The following ASIC2 variants were observed in gnomAD, a reference collection of about 807,000 sequenced individuals.
ASIC2 encodes acid-sensing ion channel 2.
A neutral mutation model predicts 57.3 loss-of-function variants in ASIC2; 25 were observed. That is an observed-to-expected ratio of 0.44 (90% CI 0.32 to 0.61). The LOEUF is 0.61. Among genes scored for constraint, ASIC2 ranks in the 20% least tolerant of loss-of-function variants. The probability of loss-of-function intolerance (pLI) is 0.06; values close to 1 mark genes in which losing one functional copy is unlikely to be tolerated. For missense variants in ASIC2, 641 were observed against 738.1 expected, an observed-to-expected ratio of 0.87 and a Z score of 1.52; for synonymous variants, 319 against 307.5, an observed-to-expected ratio of 1.04 and a Z score of -0.39.
At chr17:33,401,215 C>A (rs1015526343) in intron 1 of ASIC2, among the ~76,000 whole-genome samples, 5 of 152,162 alleles carry the variant, frequency 3.3e-5, no homozygotes, top group African/African-American at 1.2e-4. Flanking sequence ...CTCCATAAGG[C>A]TAAAAAAGCA....
At chr17:33,909,908 G>T (rs1177298628) in intron 1 of ASIC2, among the ~76,000 whole-genome samples, 1 of 152,130 alleles carries the variant, frequency 6.6e-6, no homozygotes, top group African/African-American at 2.4e-5. Flanking sequence ...GGGCCTGGCT[G>T]CTTGGGATTG....
chr17:33,703,321 C>CT (rs1555553181), intron 1 of ASIC2, among the ~76,000 whole-genome samples: 5,090 of 143,508 alleles, frequency 0.035, 251 homozygotes, highest in African/African-American at 0.12. Context: ...GTTTCTTTTT[C>CT]TTTTTTTTTT....
intron 3 of ASIC2, among the ~76,000 whole-genome samples, chr17:33,074,196 A>G (rs2092080403): frequency 6.6e-6 from 1 of 152,152 alleles, no homozygotes; most frequent in African/African-American, 2.4e-5. Context: ...CAATAGATGG[A>G]GGTGCTATGG....
intron 1 of ASIC2, among the ~76,000 whole-genome samples, chr17:33,235,402 G>A (rs1190325385): frequency 1.3e-5 from 2 of 152,240 alleles, no homozygotes; most frequent in Non-Finnish European, 2.9e-5. Context: ...GAGCCAGGAT[G>A]AGTCATGCAT....
chr17:33,402,489 C>T (rs1416576569), intron 1 of ASIC2, among the ~76,000 whole-genome samples: 3 of 152,112 alleles, frequency 2.0e-5, no homozygotes, highest in Non-Finnish European at 2.9e-5. Flanking sequence ...CTCCTTGTGT[C>T]CATGTGTTCT....
intron 1 of ASIC2, among the ~76,000 whole-genome samples, chr17:33,229,168 C>T (rs947873213): frequency 5.3e-5 from 8 of 151,846 alleles, no homozygotes; most frequent in Non-Finnish European, 1.0e-4. Flanking sequence ...AAGAGGTGTA[C>T]CAAGCAAGAG....
intron 1 of ASIC2, among the ~76,000 whole-genome samples, chr17:33,873,028 G>GA (rs984814392): frequency 1.3e-4 from 20 of 152,102 alleles, no homozygotes; most frequent in African/African-American, 3.9e-4. Context: ...AGAACTTCAA[G>GA]AAAAAATCTG....
chr17:33,469,794 G>T (rs1912983559), intron 1 of ASIC2, among the ~76,000 whole-genome samples: 1 of 152,132 alleles, frequency 6.6e-6, no homozygotes, highest in Non-Finnish European at 1.5e-5. Context: ...GAGGAAATAT[G>T]GTCAATTCCC....
At chr17:34,053,172 C>T (rs1339941953) in intron 1 of ASIC2, among the ~76,000 whole-genome samples, 1 of 152,132 alleles carries the variant, frequency 6.6e-6, no homozygotes, top group East Asian at 1.9e-4. Context: ...TGCTTTATGC[C>T]TCCAAATTTT....
chr17:33,126,908 G>A lies in ASIC2; in HGVS notation c.709-14841C>T, dbSNP rs534915592. Among the ~76,000 whole-genome samples, 55 of 134,808 alleles carry A rather than the reference G, an allele frequency of 4.1e-4. 1 individual carries two copies. In the East Asian group the frequency reaches 7.1e-3, roughly 17 times the overall value. The allele number at this position is 134,808 out of a possible 152,430, so 88.4% of individuals were successfully genotyped here. ...CGGAGTCTCGCTCTGTCGCCCAGGC[G>A]GGACTGCGGACTGCAGTGGCGCAAT... On this transcript the variant is annotated intron_variant, in intron 1 of 9. Transcript: ENST00000225823.
At chr17:33,812,279 A>T (rs950490346) in intron 1 of ASIC2, among the ~76,000 whole-genome samples, 3 of 152,152 alleles carry the variant, frequency 2.0e-5, no homozygotes, top group Non-Finnish European at 2.9e-5. Context: ...CAGCTTTTAA[A>T]TTTCATCACA....
At chr17:33,593,211 G>T (rs974508407) in intron 1 of ASIC2, among the ~76,000 whole-genome samples, 1 of 152,214 alleles carries the variant, frequency 6.6e-6, no homozygotes, top group Non-Finnish European at 1.5e-5. Flanking sequence ...GCAATTGTAT[G>T]TGCAGGCACA....
At chr17:33,698,419 G>A (rs1047482630) in intron 1 of ASIC2, among the ~76,000 whole-genome samples, 1 of 152,192 alleles carries the variant, frequency 6.6e-6, no homozygotes, top group Non-Finnish European at 1.5e-5. Flanking sequence ...TGGCACATAG[G>A]AAGTTTTCAA....
chr17:33,275,150 A>G (rs1904653527), intron 1 of ASIC2, among the ~76,000 whole-genome samples: 1 of 152,170 alleles, frequency 6.6e-6, no homozygotes, highest in Non-Finnish European at 1.5e-5. Flanking sequence ...CGTATTAGCA[A>G]GCCTGTCCCT....
chr17:33,898,050 G>A (rs975298372), intron 1 of ASIC2, among the ~76,000 whole-genome samples: 3 of 152,018 alleles, frequency 2.0e-5, no homozygotes, highest in African/African-American at 7.2e-5. Flanking sequence ...AACTATAAAA[G>A]TTGCAATTGG....
In ASIC2 at chr17:33,722,607, G is replaced by GAA. The variant is rs34281265; in HGVS notation, c.555+433369_555+433370dup. On this transcript the variant is annotated intron_variant, in intron 1 of 9. Coordinates refer to the ASIC2 transcript ENST00000359872. Reference sequence around the variant, plus strand: ...GTAAGAGCCTCTCTCTACAAAAAAGGAAAAAAAAAAAAAATTAGCCAGGCC... The same window carrying GAA: ...GTAAGAGCCTCTCTCTACAAAAAAGGAAAAAAAAAAAAAAAATTAGCCAGGCC... 1.7e-3 allele frequency among the ~76,000 whole-genome samples: 244 copies of GAA among 141,226 alleles called. 1 individual carries two copies. The highest frequency in any genetic ancestry group is 5.5e-3 in the African/African-American group (213 of 39,010). The allele number at this position is 141,226 out of a possible 152,430, so 92.6% of individuals were successfully genotyped here.
chr17:33,840,514 T>A (rs1175638345), intron 1 of ASIC2, among the ~76,000 whole-genome samples: 1 of 152,194 alleles, frequency 6.6e-6, no homozygotes, highest in African/African-American at 2.4e-5. Flanking sequence ...AAGTAGGAGA[T>A]GTTCCCGCTC....
At chr17:34,083,820 CT>C (rs751585041) in intron 1 of ASIC2, among the ~76,000 whole-genome samples, 1 of 152,224 alleles carries the variant, frequency 6.6e-6, no homozygotes, top group Non-Finnish European at 1.5e-5. Flanking sequence ...TAAATGTCTT[CT>C]TTCGAGAAGT....
chr17:33,112,544 ATT>A (rs1486076799), intron 1 of ASIC2, among the ~76,000 whole-genome samples: 2 of 152,040 alleles, frequency 1.3e-5, no homozygotes, highest in Admixed American at 1.3e-4. Context: ...TCCCCACCCC[ATT>A]GGACAATTCT....
Sources: gnomAD v4.1 joint callset for allele counts (sites outside exome capture counted in the v4.1 genomes callset) on GRCh38, gnomAD v4.1.1 for gene constraint, MANE v1.5 for transcripts, NCBI Gene and HGNC (gene_info 2026-07-23, HGNC 2026-07-21) for gene names.